The following PTPRD variants were observed in gnomAD, a reference collection of about 807,000 sequenced individuals.
PTPRD encodes the protein receptor-type tyrosine-protein phosphatase delta.
A neutral mutation model predicts 214.5 loss-of-function variants in PTPRD; 34 were observed. The observed-to-expected ratio is 0.16, with a 90% confidence interval of 0.12 to 0.21. The LOEUF (loss-of-function observed/expected upper bound fraction) is 0.21, where lower values mean the gene tolerates loss of function less well. Among genes scored for constraint, PTPRD ranks in the 10% least tolerant of loss-of-function variants. PTPRD has a pLI of 1.00. For missense variants in PTPRD, 2,545 were observed against 2,398.7 expected, an observed-to-expected ratio of 1.06 and a Z score of -1.27; for synonymous variants, 1,128 against 845.7, an observed-to-expected ratio of 1.33 and a Z score of -5.79.
chr9:9,620,060 G>A (rs1443086598), intron 7 of PTPRD, among the ~76,000 whole-genome samples: 1 of 151,818 alleles, frequency 6.6e-6, no homozygotes. Context: ...AACCTTGTAT[G>A]GTTTTCCTTG....
intron 10 of PTPRD, among the ~76,000 whole-genome samples, chr9:9,077,854 C>T (rs2099753485): frequency 6.6e-6 from 1 of 152,034 alleles, no homozygotes. Flanking sequence ...CAAATAGTCC[C>T]TCTGTGTACA....
intron 2 of PTPRD, among the ~76,000 whole-genome samples, chr9:10,366,092 T>G (rs1229095171): frequency 6.6e-6 from 1 of 152,152 alleles, no homozygotes; most frequent in East Asian, 1.9e-4. Context: ...CTGTCACTGC[T>G]GTGGTCCCAA....
intron 14 of PTPRD, among the ~76,000 whole-genome samples, chr9:8,623,052 C>T (rs1177917767): frequency 1.3e-5 from 2 of 151,824 alleles, no homozygotes; most frequent in East Asian, 1.9e-4. Flanking sequence ...CTCAGGGACT[C>T]AGGTGGGAAG....
chr9:9,748,617 A>G (rs572417907), intron 6 of PTPRD, among the ~76,000 whole-genome samples: 1 of 152,222 alleles, frequency 6.6e-6, no homozygotes, highest in Non-Finnish European at 1.5e-5. Context: ...ACTACAACCA[A>G]TTTCAATGAC....
At chr9:9,647,453 T>G (rs1459845925) in intron 7 of PTPRD, among the ~76,000 whole-genome samples, 1 of 152,202 alleles carries the variant, frequency 6.6e-6, no homozygotes. Flanking sequence ...CTTTAGGTGT[T>G]ATTTTAAGCC....
intron 39 of PTPRD, among the ~76,000 whole-genome samples, chr9:8,343,351 G>C (rs1588167835): frequency 6.6e-6 from 1 of 152,036 alleles, no homozygotes; most frequent in Non-Finnish European, 1.5e-5. Flanking sequence ...CCAATCCCAA[G>C]TATAAACCCA....
chr9:9,452,905 T>C (rs1046544036), intron 8 of PTPRD, among the ~76,000 whole-genome samples: 2 of 151,540 alleles, frequency 1.3e-5, no homozygotes, highest in East Asian at 3.9e-4. Context: ...AACAAGCACA[T>C]TCTTTCAAAA....
chr9:10,216,506 T>C (rs1427564573), intron 3 of PTPRD, among the ~76,000 whole-genome samples: 2 of 152,110 alleles, frequency 1.3e-5, no homozygotes, highest in South Asian at 2.1e-4. Flanking sequence ...TTATATTTTG[T>C]ATCAACTATT....
chr9:8,973,318 T>A (rs967426846), intron 11 of PTPRD, among the ~76,000 whole-genome samples: 9 of 152,036 alleles, frequency 5.9e-5, no homozygotes, highest in African/African-American at 1.9e-4. Flanking sequence ...ACACAGGATT[T>A]AGTTTTCTGT....
At chr9:9,218,179 C>T (rs1045058501) in intron 9 of PTPRD, among the ~76,000 whole-genome samples, 4 of 152,162 alleles carry the variant, frequency 2.6e-5, no homozygotes, top group African/African-American at 9.7e-5. Context: ...TCTAACCATA[C>T]TGGCTATCCT....
At chr9:10,078,993 T>C (rs1284370984) in intron 3 of PTPRD, among the ~76,000 whole-genome samples, 1 of 152,110 alleles carries the variant, frequency 6.6e-6, no homozygotes, top group East Asian at 1.9e-4. Context: ...TAGAACTTTT[T>C]TTTCTTTTTC....
intron 9 of PTPRD, among the ~76,000 whole-genome samples, chr9:9,291,846 G>A (rs1429057182): frequency 5.3e-5 from 8 of 149,934 alleles, no homozygotes; most frequent in Non-Finnish European, 7.4e-5. Flanking sequence ...ATATATATGT[G>A]TATATGTGTG....
intron 9 of PTPRD, among the ~76,000 whole-genome samples, chr9:9,305,475 G>T (rs1261347021): frequency 6.6e-6 from 1 of 152,014 alleles, no homozygotes; most frequent in Non-Finnish European, 1.5e-5. Context: ...AGTTTAGTGT[G>T]GAAGAAAAAG....
In PTPRD at chr9:8,622,135, TA is replaced by T. The variant is rs144696708; in HGVS notation, c.352+11181del. Among the ~76,000 whole-genome samples the T allele has an allele frequency of 3.7e-3, 557 of 151,976 alleles. 3 individuals carry two copies. Among genetic ancestry groups the T allele is most frequent in the African/African-American group, 0.013 (536 of 41,504 alleles). On this transcript the variant is annotated intron_variant, in intron 14 of 45. Coordinates refer to ENST00000381196, the MANE Select transcript of PTPRD (RefSeq NM_002839.4). ...TCATAAAAAATGATAAGTGCAGCAA[TA>T]AAAAACTCCTCTTACTATTAGTTGG... is the stretch of plus-strand genomic sequence containing the variant.
At chr9:8,867,121 C>A (rs980334607) in intron 11 of PTPRD, among the ~76,000 whole-genome samples, 2 of 152,062 alleles carry the variant, frequency 1.3e-5, no homozygotes, top group African/African-American at 2.4e-5. Context: ...GAGTTAAGAC[C>A]AATATGAAGA....
At chr9:10,438,775 C>T (rs1306361187) in intron 2 of PTPRD, among the ~76,000 whole-genome samples, 1 of 151,604 alleles carries the variant, frequency 6.6e-6, no homozygotes, top group Admixed American at 6.6e-5. Flanking sequence ...TTCAGTCTCT[C>T]CTTATAGTAG....
At chr9:9,015,689 G>C (rs1569411280) in intron 11 of PTPRD, among the ~76,000 whole-genome samples, 1 of 151,944 alleles carries the variant, frequency 6.6e-6, no homozygotes, top group Non-Finnish European at 1.5e-5. Context: ...GTCTGGATTG[G>C]GACCCCTTTG....
At chr9:9,404,746 A>T (rs1246963717) in intron 8 of PTPRD, among the ~76,000 whole-genome samples, 2 of 152,108 alleles carry the variant, frequency 1.3e-5, no homozygotes, top group African/African-American at 4.8e-5. Context: ...GAGAACATGT[A>T]TGAAGTCAAG....
chr9:10,471,640 C>T (rs1355518884), intron 2 of PTPRD, among the ~76,000 whole-genome samples: 1 of 152,032 alleles, frequency 6.6e-6, no homozygotes, highest in African/African-American at 2.4e-5. Flanking sequence ...ACAGTATGTG[C>T]TAAAACATAA....
Sources: gnomAD v4.1 joint callset for allele counts (sites outside exome capture counted in the v4.1 genomes callset) on GRCh38, gnomAD v4.1.1 for gene constraint, MANE v1.5 for transcripts, NCBI Gene and HGNC (gene_info 2026-07-23, HGNC 2026-07-21) for gene names.